KIAA1328: variants seen among roughly 807,000 people sequenced by gnomAD.
KIAA1328 encodes the protein protein hinderin.
A neutral mutation model predicts 68.1 loss-of-function variants in KIAA1328; 52 were observed. That is an observed-to-expected ratio of 0.76 (90% confidence interval 0.61 to 0.96). The LOEUF (loss-of-function observed/expected upper bound fraction) is 0.96. Ranked by LOEUF, KIAA1328 falls within the 40% of genes least tolerant of loss-of-function variation. The probability of loss-of-function intolerance (pLI) is 0.00; values close to 1 mark genes in which losing one functional copy is unlikely to be tolerated. For synonymous variants in KIAA1328, 232 were observed against 239.4 expected (o/e 0.97, Z 0.28); for missense variants, 641 against 677.6 (o/e 0.95, Z 0.60).
chr18:37,025,166 A>G (rs2054517139), intron 6 of KIAA1328, among the ~76,000 whole-genome samples: 1 of 152,200 alleles, frequency 6.6e-6, no homozygotes, highest in African/African-American at 2.4e-5. Context: ...CAATTCAACA[A>G]GAAGAGCTAT....
rs1226592877 is a variant in KIAA1328, at chr18:37,024,411, GCA to G, written c.577-42475_577-42474del. 7.4e-5 allele frequency among the ~76,000 whole-genome samples: 11 copies of G among 149,356 alleles called. No homozygotes were observed. The Admixed American group carries it at 7.4e-4, about 10-fold the overall frequency. ...TATTTATTATACTTTAAGTTCTAGG[GCA>G]CACGTGCACAATGTGCAGGTTTGTT... On this transcript the variant is annotated intron_variant, in intron 6 of 9. Coordinates refer to ENST00000280020, the MANE Select transcript of KIAA1328 (RefSeq NM_020776.3).
Position 36,829,172 on chromosome 18 carries a change from G to T in KIAA1328, c.34G>T (p.Ala12Ser), listed in dbSNP as rs776152247. Reference protein sequence around the residue: ...ADVAGPSRPSAAAFWSRDFSD... With the variant: ...ADVAGPSRPSSAAFWSRDFSD... ...CGTGGCGGGCCCCTCCCGCCCCAGTGCCGCGGCGTTCTGGAGCCGGGACTG... is the reference window on the plus strand; with the variant it reads ...CGTGGCGGGCCCCTCCCGCCCCAGTTCCGCGGCGTTCTGGAGCCGGGACTG... Residue 12 changes from alanine (A) to serine (S), a missense_variant, in exon 1 of 10, where the codon GCC (alanine) becomes TCC (serine). By Grantham distance (99) the Ala-to-Ser change is moderately conservative. Coordinates refer to ENST00000280020, the MANE Select transcript of KIAA1328 (RefSeq NM_020776.3). The T allele has an allele frequency of 1.3e-6, 2 of 1,533,230 alleles. No homozygotes were observed. Among genetic ancestry groups the T allele is most frequent in the African/African-American group, 2.8e-5 (2 of 71,246 alleles). 95.0% of individuals were successfully genotyped at this position (1,533,230 alleles called of 1,614,324 possible). A position where few individuals can be genotyped will look rare whatever the true frequency, so the allele number is the denominator to read the frequency against.
chr18:37,006,741 G>A (rs140996051), intron 6 of KIAA1328, among the ~76,000 whole-genome samples: 42 of 152,016 alleles, frequency 2.8e-4, no homozygotes, highest in African/African-American at 9.9e-4. Flanking sequence ...AAAAATTTAA[G>A]ATAATCTGTA....
chr18:36,844,126 A>G (rs934984218), intron 3 of KIAA1328, 82 bp from the exon 4 acceptor site: 5 of 836,088 alleles, frequency 6.0e-6, no homozygotes, highest in Non-Finnish European at 7.5e-6. Flanking sequence ...TATCTAAGAA[A>G]TTTCACCTTG....
intron 7 of KIAA1328, among the ~76,000 whole-genome samples, chr18:37,145,953 T>C (rs1436256148): frequency 6.6e-6 from 1 of 152,212 alleles, no homozygotes; most frequent in African/African-American, 2.4e-5. Flanking sequence ...AACTTAATTA[T>C]TGATACTGTT....
At chr18:37,151,761 C>G (rs2059034748) in intron 7 of KIAA1328, among the ~76,000 whole-genome samples, 1 of 152,102 alleles carries the variant, frequency 6.6e-6, no homozygotes, top group South Asian at 2.1e-4. Flanking sequence ...ACCTCACATC[C>G]TAGCCAAAAA....
chr18:37,193,523 C>T (rs1410445467), intron 9 of KIAA1328: 3 of 672,094 alleles, frequency 4.5e-6, no homozygotes, highest in Non-Finnish European at 8.1e-6. Context: ...TTCAGAATTT[C>T]AGATGAATAT....
chr18:37,102,726 C>A lies in KIAA1328; in HGVS notation c.1232+35181C>A, dbSNP rs541498174. Among the ~76,000 whole-genome samples the A allele has an allele frequency of 3.8e-4, 58 of 152,174 alleles. 2 individuals carry two copies. Among genetic ancestry groups the A allele is most frequent in the South Asian group, 2.7e-3 (13 of 4,822 alleles). On this transcript the variant is annotated intron_variant, in intron 7 of 9. Transcript: ENST00000280020. ...TCAACATAGTACTGGAAGTGCTAGCCAGACCAATCAAGCAAGAGAAAGAAA... is the reference window on the plus strand; with the variant it reads ...TCAACATAGTACTGGAAGTGCTAGCAAGACCAATCAAGCAAGAGAAAGAAA...
chr18:36,955,223 C>G (rs1269829894), intron 5 of KIAA1328, among the ~76,000 whole-genome samples: 1 of 151,650 alleles, frequency 6.6e-6, no homozygotes, highest in Non-Finnish European at 1.5e-5. Context: ...CCTCCGCTTC[C>G]CGGGTTCAAG....
intron 7 of KIAA1328, among the ~76,000 whole-genome samples, chr18:37,100,647 C>T (rs1198780503): frequency 6.6e-6 from 1 of 152,212 alleles, no homozygotes; most frequent in African/African-American, 2.4e-5. Flanking sequence ...TTAAATGTCC[C>T]TGTCTGACAG....
intron 7 of KIAA1328, among the ~76,000 whole-genome samples, chr18:37,082,390 T>C (rs2056978157): frequency 6.6e-6 from 1 of 152,160 alleles, no homozygotes; most frequent in Non-Finnish European, 1.5e-5. Flanking sequence ...CAGGCTGGTC[T>C]CAAACTCCTT....
intron 6 of KIAA1328, among the ~76,000 whole-genome samples, chr18:36,964,871 G>C (rs2051849638): frequency 6.7e-6 from 1 of 150,322 alleles, no homozygotes; most frequent in Non-Finnish European, 1.5e-5. Flanking sequence ...GCCTTTTCTT[G>C]TTATAGGAGT....
At chr18:37,208,764 A>C (rs1229174168) in intron 9 of KIAA1328, among the ~76,000 whole-genome samples, 1 of 152,218 alleles carries the variant, frequency 6.6e-6, no homozygotes, top group Non-Finnish European at 1.5e-5. Context: ...AGGAGATAGA[A>C]GGTATAATCT....
intron 7 of KIAA1328, among the ~76,000 whole-genome samples, chr18:37,071,220 G>A (rs984718528): frequency 3.3e-5 from 5 of 151,660 alleles, no homozygotes; most frequent in South Asian, 2.1e-4. Context: ...CTACAGGCAC[G>A]TGCTGCCATG....
chr18:37,040,439 T>C (rs114283906), intron 6 of KIAA1328, among the ~76,000 whole-genome samples: 77 of 152,336 alleles, frequency 5.1e-4, no homozygotes, highest in African/African-American at 1.9e-3. Flanking sequence ...CTTTAATTCC[T>C]GATTTTAGTA....
At chr18:36,854,555 T>C (rs1423399883) in intron 4 of KIAA1328, among the ~76,000 whole-genome samples, 1 of 152,216 alleles carries the variant, frequency 6.6e-6, no homozygotes, top group African/African-American at 2.4e-5. Context: ...GAAGGACCCT[T>C]GTTAGCATTT....
intron 9 of KIAA1328, among the ~76,000 whole-genome samples, chr18:37,204,601 T>G (rs1458291059): frequency 6.6e-6 from 1 of 152,200 alleles, no homozygotes; most frequent in African/African-American, 2.4e-5. Context: ...AAGCCCTTAC[T>G]GAGTTTTAGA....
intron 5 of KIAA1328, among the ~76,000 whole-genome samples, chr18:36,956,732 C>T (rs530904367): frequency 4.6e-5 from 7 of 152,138 alleles, no homozygotes; most frequent in African/African-American, 1.7e-4. Flanking sequence ...GAGTAAAATT[C>T]GTATTCTGTG....
intron 9 of KIAA1328, among the ~76,000 whole-genome samples, chr18:37,208,671 CAT>C (rs888003058): frequency 4.6e-5 from 7 of 152,068 alleles, no homozygotes; most frequent in African/African-American, 1.7e-4. Context: ...ATATATAGCA[CAT>C]GTTTAATATA....
Sources: allele counts gnomAD v4.1 joint callset (sites outside exome capture counted in the v4.1 genomes callset), GRCh38; gene constraint gnomAD v4.1.1; transcripts MANE v1.5; gene names NCBI Gene and HGNC (gene_info 2026-07-23, HGNC 2026-07-21).